The following RBFOX1 variants were observed in gnomAD, a reference collection of about 807,000 sequenced individuals.
RBFOX1 encodes the protein RNA binding protein fox-1 homolog 1.
Under a neutral mutation model 57.7 loss-of-function variants are expected in RBFOX1, and 8 were observed. That is an observed-to-expected ratio of 0.14 (90% confidence interval 0.08 to 0.25). The LOEUF is 0.25. RBFOX1 is among the 10% of genes least tolerant of loss of function. The pLI, the probability that RBFOX1 is intolerant of heterozygous loss-of-function variation, is 1.00. For missense variants in RBFOX1, 611 were observed against 548.5 expected (o/e 1.11, Z -1.14); for synonymous variants, 326 against 222.4 (o/e 1.47, Z -4.15).
intron 4 of RBFOX1, among the ~76,000 whole-genome samples, chr16:7,307,930 A>T (rs2096229823): frequency 6.6e-6 from 1 of 152,180 alleles, no homozygotes; most frequent in Non-Finnish European, 1.5e-5. Context: ...AATCTTCTTG[A>T]AGCTGAACTT....
intron 2 of RBFOX1, among the ~76,000 whole-genome samples, chr16:6,588,321 C>G (rs939653559): frequency 6.6e-6 from 1 of 151,796 alleles, no homozygotes; most frequent in African/African-American, 2.4e-5. Flanking sequence ...ATGCATCGCA[C>G]TTAGTTGTCC....
intron 4 of RBFOX1, among the ~76,000 whole-genome samples, chr16:7,067,596 A>G (rs571456046): frequency 6.6e-6 from 1 of 151,790 alleles, no homozygotes; most frequent in African/African-American, 2.4e-5. Flanking sequence ...TAGGTTAGTT[A>G]CGTATGTATA....
chr16:7,525,824 G>C (rs1013389220), intron 5 of RBFOX1, among the ~76,000 whole-genome samples: 4 of 152,168 alleles, frequency 2.6e-5, no homozygotes, highest in African/African-American at 9.7e-5. Flanking sequence ...CCAATAAAGG[G>C]AGAAAGAGGT....
chr16:6,585,360 C>G (rs1369691096), intron 2 of RBFOX1, among the ~76,000 whole-genome samples: 1 of 152,134 alleles, frequency 6.6e-6, no homozygotes, highest in Non-Finnish European at 1.5e-5. Context: ...GTTATAGTCT[C>G]CAAAACTTTG....
intron 2 of RBFOX1, among the ~76,000 whole-genome samples, chr16:5,517,610 T>C (rs530334671): frequency 3.5e-4 from 54 of 152,324 alleles, no homozygotes; most frequent in African/African-American, 1.3e-3. Context: ...GTGAGTTTCC[T>C]AAGATGTGTG....
chr16:7,515,270 T>A lies in RBFOX1; in HGVS notation c.28-2877T>A, dbSNP rs761531308. Among the ~76,000 whole-genome samples the A allele has an allele frequency of 7.6e-3, 1,162 of 152,254 alleles. 8 individuals are homozygous for A. Among genetic ancestry groups the A allele is most frequent in the Middle Eastern group, 0.014 (4 of 294 alleles). On this transcript the variant is annotated intron_variant, in intron 4 of 15. Coordinates refer to ENST00000550418, the MANE Select transcript of RBFOX1 (RefSeq NM_018723.4). ...TATAAAACAGCAGAAGTTTTTTTTT[T>A]TTTTTAATTAGTCAAGACCCTTTTG...
chr16:7,570,384 G>A (rs1162071623), intron 5 of RBFOX1, among the ~76,000 whole-genome samples: 1 of 152,088 alleles, frequency 6.6e-6, no homozygotes, highest in Non-Finnish European at 1.5e-5. Flanking sequence ...ACTGAGCACA[G>A]AACTTCAACA....
intron 4 of RBFOX1, among the ~76,000 whole-genome samples, chr16:6,013,976 G>T (rs978071855): frequency 1.3e-5 from 2 of 149,414 alleles, no homozygotes; most frequent in African/African-American, 2.4e-5. Flanking sequence ...ATGGGGGGAG[G>T]GGGGAGGGTT....
At chr16:7,698,074 C>T (rs2079361832) in intron 14 of RBFOX1, among the ~76,000 whole-genome samples, 1 of 152,004 alleles carries the variant, frequency 6.6e-6, no homozygotes, top group Admixed American at 6.6e-5. Context: ...GTTAATTCAC[C>T]AGACGTCTTT....
At chr16:5,585,943 T>C (rs1157307544) in intron 2 of RBFOX1, among the ~76,000 whole-genome samples, 4 of 152,210 alleles carry the variant, frequency 2.6e-5, no homozygotes, top group African/African-American at 7.2e-5. Context: ...TATGATCTTA[T>C]GTGGAAACAG....
At chr16:6,498,256 CAA>C (rs761732760) in intron 2 of RBFOX1, among the ~76,000 whole-genome samples, 3 of 91,142 alleles carry the variant, frequency 3.3e-5, no homozygotes, top group African/African-American at 1.2e-4. Flanking sequence ...CGTCTCAAAA[CAA>C]AAAAAAAAAA....
intron 1 of RBFOX1, among the ~76,000 whole-genome samples, chr16:5,424,048 C>T (rs942609347): frequency 1.3e-5 from 2 of 152,188 alleles, no homozygotes; most frequent in Admixed American, 6.5e-5. Flanking sequence ...CTAGGGACCC[C>T]TCGTGTTTCC....
At chr16:6,672,910 C>T (rs571917861) in intron 3 of RBFOX1, among the ~76,000 whole-genome samples, 17 of 152,240 alleles carry the variant, frequency 1.1e-4, no homozygotes, top group South Asian at 2.1e-4. Context: ...AACTGAATCC[C>T]CCTAGACCCC....
chr16:5,753,353 C>A (rs563618500), intron 3 of RBFOX1, among the ~76,000 whole-genome samples: 5 of 151,850 alleles, frequency 3.3e-5, no homozygotes, highest in African/African-American at 1.2e-4. Flanking sequence ...CACTATGTGC[C>A]CTGATTAGTG....
Position 5,823,331 on chromosome 16 carries a change from A to G in RBFOX1, c.319-43972A>G, listed in dbSNP as rs554333716. The stretch of plus-strand genomic sequence containing the variant: ...GATAAATAACTGAATACCAGATGGC[A>G]AGTACATAAAGGAAGGGGTAGCTCC... On this transcript the variant is annotated intron_variant, in intron 3 of 19. Coordinates refer to the RBFOX1 transcript ENST00000641259. 2.0e-5 allele frequency among the ~76,000 whole-genome samples: 3 copies of G among 152,320 alleles called. No individual in the cohort carries two copies. In the South Asian group the frequency reaches 6.2e-4, roughly 32 times the overall value.
rs1163834998 is a variant in RBFOX1 at position 6,779,917 on chromosome 16, TTA to T, written c.-16+125275_-16+125276del. Among the ~76,000 whole-genome samples the T allele has an allele frequency of 8.8e-3, 20 of 2,280 alleles. 3 individuals are homozygous for T. In the East Asian group the frequency reaches 0.11, roughly 12 times the overall value. The allele number at this position is 2,280 out of a possible 152,430, so 1.5% of individuals were successfully genotyped here. On this transcript the variant is annotated intron_variant, in intron 3 of 15. Transcript: ENST00000550418. Reference sequence around the variant, plus strand: ...TATATATTTATATATATTTATATATTTATATATATTTATATATATTTATATAT... The same window carrying T: ...TATATATTTATATATATTTATATATTTATATATTTATATATATTTATATAT...
At chr16:6,770,556 A>G (rs2078116858) in intron 3 of RBFOX1, among the ~76,000 whole-genome samples, 1 of 152,032 alleles carries the variant, frequency 6.6e-6, no homozygotes. Flanking sequence ...GATGTTCGTC[A>G]ACCTAGGGAA....
intron 1 of RBFOX1, among the ~76,000 whole-genome samples, chr16:6,064,004 C>T (rs1204049247): frequency 2.0e-5 from 3 of 152,122 alleles, no homozygotes; most frequent in East Asian, 1.9e-4. Context: ...AACCTCTAAC[C>T]CTCTAATGTA....
At chr16:5,241,699 A>C (rs972975087) in intron 1 of RBFOX1, among the ~76,000 whole-genome samples, 2 of 152,232 alleles carry the variant, frequency 1.3e-5, no homozygotes, top group African/African-American at 4.8e-5. Flanking sequence ...AGAAGCACTT[A>C]GCGTTGTGCC....
Sources: allele counts gnomAD v4.1 joint callset (sites outside exome capture counted in the v4.1 genomes callset), GRCh38; gene constraint gnomAD v4.1.1; transcripts MANE v1.5; gene names NCBI Gene and HGNC (gene_info 2026-07-23, HGNC 2026-07-21).